Variants in MGST1 observed in about 807,000 individuals in gnomAD.
MGST1 encodes microsomal glutathione S-transferase 1.
In MGST1, 5 loss-of-function variants were observed where a neutral mutation model predicts 8.9. The ratio of observed to expected loss-of-function variants is 0.56; its 90% CI spans 0.29 to 1.19. The LOEUF (loss-of-function observed/expected upper bound fraction) is 1.19, where lower values mean the gene tolerates loss of function less well. MGST1 is among the 50% of genes most tolerant of loss of function. MGST1 has a pLI of 0.08. For missense variants in MGST1, 182 were observed against 187.4 expected (o/e 0.97, Z 0.17); for synonymous variants, 54 against 67.8 (o/e 0.80, Z 1.00).
chr12:16,377,151 T>A (rs1298085790), exon 4 of MGST1: 1 of 152,104 alleles, frequency 6.6e-6, no homozygotes, highest in East Asian at 1.9e-4. Context: ...GTGTGTTTTT[T>A]AAATTTTATT....
chr12:16,377,266 A>C (rs1298166853), downstream of MGST1: 1 of 149,554 alleles, frequency 6.7e-6, no homozygotes, highest in Non-Finnish European at 1.5e-5. Flanking sequence ...ATTTAGCACT[A>C]GGTATATCTC....
chr12:16,511,627 A>G (rs1327749353), intron 4 of MGST1, among the ~76,000 whole-genome samples: 25 of 152,238 alleles, frequency 1.6e-4, no homozygotes, highest in Admixed American at 1.3e-3. Context: ...AAGAAAGGGA[A>G]TGCTATTTCT....
intron 1 of MGST1, chr12:16,400,083 AT>A (rs1940641378): frequency 1.3e-6 from 2 of 1,577,174 alleles, no homozygotes; most frequent in Admixed American, 3.3e-5. Flanking sequence ...TCTCCATGAA[AT>A]TCTAAAAGGC....
At chr12:16,579,408 G>C (rs1341038877) in intron 4 of MGST1, among the ~76,000 whole-genome samples, 1 of 152,052 alleles carries the variant, frequency 6.6e-6, no homozygotes, top group East Asian at 1.9e-4. Context: ...CAATTTTTTT[G>C]GTAGGATTTA....
At chr12:16,381,916 C>T (rs1940456780), downstream of MGST1, among the ~76,000 whole-genome samples, 2 of 152,172 alleles carry the variant, frequency 1.3e-5, no homozygotes, top group Non-Finnish European at 2.9e-5. Context: ...CCCTTTCTTC[C>T]AGTTGATCGC....
At chr12:16,441,779 T>A (rs1452640336), downstream of MGST1, among the ~76,000 whole-genome samples, 2 of 151,904 alleles carry the variant, frequency 1.3e-5, no homozygotes, top group South Asian at 4.1e-4. Flanking sequence ...CTGGCAATTG[T>A]GAATAACCCT....
downstream of MGST1, among the ~76,000 whole-genome samples, chr12:16,367,026 T>G (rs1291735550): frequency 6.6e-6 from 1 of 152,218 alleles, no homozygotes; most frequent in Non-Finnish European, 1.5e-5. Context: ...TGTATTTTTA[T>G]ATAATACTAC....
intron 4 of MGST1, among the ~76,000 whole-genome samples, chr12:16,444,024 C>T (rs529215640): frequency 6.6e-5 from 10 of 151,760 alleles, no homozygotes; most frequent in Non-Finnish European, 1.0e-4. Context: ...GCTGGCTGAT[C>T]GATCAGTCAG....
At chr12:16,419,995 T>C (rs938132542) in intron 1 of MGST1, among the ~76,000 whole-genome samples, 1 of 152,156 alleles carries the variant, frequency 6.6e-6, no homozygotes, top group South Asian at 2.1e-4. Context: ...AACCAAAGTA[T>C]ATAAATGCTA....
intron 4 of MGST1, among the ~76,000 whole-genome samples, chr12:16,556,225 G>T (rs1044728277): frequency 2.6e-5 from 4 of 152,016 alleles, no homozygotes; most frequent in Non-Finnish European, 4.4e-5. Flanking sequence ...GTTTTCTAAG[G>T]AGAAGGGGCT....
rs78326147 is a variant in MGST1 at position 16,485,287 on chromosome 12, G to A, written n.482+101683G>A. ...AGGCTTAGTCCCAGGCTCTCTTGTA[G>A]GCTCGATTTAGAAGTGTAACGTTCG... On this transcript the variant is annotated intron_variant and non_coding_transcript_variant, in intron 4 of 4. Coordinates refer to the MGST1 transcript ENST00000538857. Among the ~76,000 whole-genome samples, 203 of 152,272 alleles carry A rather than the reference G, an allele frequency of 1.3e-3. 4 individuals are homozygous for A. In the East Asian group the frequency reaches 0.032, roughly 24 times the overall value.
chr12:16,443,858 A>G (rs1267842269), intron 4 of MGST1, among the ~76,000 whole-genome samples: 5 of 151,940 alleles, frequency 3.3e-5, no homozygotes, highest in African/African-American at 4.8e-5. Context: ...CCCACAGACA[A>G]TGGTACTGAC....
chr12:16,494,938 T>A lies in MGST1; in HGVS notation n.483-94590T>A, dbSNP rs548241034. 1.7e-4 allele frequency among the ~76,000 whole-genome samples: 26 copies of A among 152,278 alleles called. No homozygotes were observed. In the Middle Eastern group the frequency reaches 0.01, roughly 60 times the overall value. ...ACTGTATATATGTTTATTGCCTTTTTAAAACCAGTGTACAGCAACAAACAG... is the reference window on the plus strand; with the variant it reads ...ACTGTATATATGTTTATTGCCTTTTAAAAACCAGTGTACAGCAACAAACAG... On this transcript the variant is annotated intron_variant and non_coding_transcript_variant, in intron 4 of 4. Transcript: ENST00000538857.
chr12:16,479,235 C>CTTTTTTTTTTTTTTTTTTTTTTTTTTTT (rs542448251), intron 4 of MGST1, among the ~76,000 whole-genome samples: 2 of 112,064 alleles, frequency 1.8e-5, no homozygotes, highest in African/African-American at 3.5e-5. Context: ...TAGACTGTAT[C>CTTTTTTTTTTTTTTTTTTTTTTTTTTTT]TTTTTTTTTT....
rs1940761060 is a variant in MGST1, at chr12:16,413,664, C to T, written n.779-23724C>T. Among the ~76,000 whole-genome samples, 1 of 152,124 alleles carries T rather than the reference C, an allele frequency of 6.6e-6. No individual in the cohort carries two copies. The highest frequency in any genetic ancestry group is 6.6e-5 in the Admixed American group (1 of 15,264). On this transcript the variant is annotated intron_variant and non_coding_transcript_variant, in intron 1 of 1. Coordinates refer to the MGST1 transcript ENST00000359720. This position sits in a 1 kb window ranked among gnomAD's most constrained non-coding sequence, Gnocchi z 4.0. ...TCATTTACCCTTATTTTTTTCCATACATTCTCAAGGAAGTGTCGGTTATCC... is the reference window on the plus strand; with the variant it reads ...TCATTTACCCTTATTTTTTTCCATATATTCTCAAGGAAGTGTCGGTTATCC...
chr12:16,533,837 A>C (rs922836747), intron 4 of MGST1, among the ~76,000 whole-genome samples: 1 of 152,128 alleles, frequency 6.6e-6, no homozygotes, highest in Non-Finnish European at 1.5e-5. Flanking sequence ...AAGCTTTCCC[A>C]CAGCAATTTC....
intron 4 of MGST1, among the ~76,000 whole-genome samples, chr12:16,511,251 T>TTA (rs2137179211): frequency 6.6e-6 from 1 of 152,308 alleles, no homozygotes; most frequent in South Asian, 2.1e-4. Flanking sequence ...AGCAGCAAAG[T>TTA]TATATATATA....
chr12:16,568,711 A>C (rs1428496740), intron 4 of MGST1, among the ~76,000 whole-genome samples: 1 of 152,216 alleles, frequency 6.6e-6, no homozygotes, highest in Non-Finnish European at 1.5e-5. Context: ...CCTTTAAAAC[A>C]CTTTCCTTGG....
chr12:16,470,654 C>G (rs1013002390), intron 4 of MGST1, among the ~76,000 whole-genome samples: 2 of 152,038 alleles, frequency 1.3e-5, no homozygotes, highest in Admixed American at 1.3e-4. Context: ...AATCTATTGC[C>G]CAATTTTGAA....
Sources: allele counts gnomAD v4.1 joint callset (sites outside exome capture counted in the v4.1 genomes callset), GRCh38; gene constraint gnomAD v4.1.1; non-coding constraint Gnocchi (gnomAD v3.1); transcripts MANE v1.5; gene names NCBI Gene and HGNC (gene_info 2026-07-23, HGNC 2026-07-21).